CPT1C: variants seen among roughly 807,000 people sequenced by gnomAD.
CPT1C encodes carnitine palmitoyltransferase 1C.
CPT1C carries 61 observed loss-of-function variants against 97.3 expected under a neutral mutation model. The observed-to-expected ratio is 0.63, with a 90% confidence interval of 0.51 to 0.78. The LOEUF (loss-of-function observed/expected upper bound fraction) is 0.78. CPT1C is among the 30% of genes least tolerant of loss of function. CPT1C has a pLI of 0.00. For synonymous variants in CPT1C, 469 were observed against 447.2 expected (o/e 1.05, Z -0.61); for missense variants, 975 against 1,065.5 (o/e 0.92, Z 1.18).
At chr19:49,702,143 A>T (rs201716958) in intron 7 of CPT1C, among the ~76,000 whole-genome samples, 2,812 of 95,312 alleles carry the variant, frequency 0.03, 506 homozygotes, top group East Asian at 0.12. Flanking sequence ...AAATAAATAT[A>T]TATTTATTTA....
Position 49,713,564 on chromosome 19 carries a change from A to T in CPT1C, c.2371A>T (p.Thr791Ser). 1.2e-6 allele frequency: 2 copies of T among 1,613,876 alleles called. No homozygotes were observed. The highest frequency in any genetic ancestry group is 1.7e-6 in the Non-Finnish European group (2 of 1,179,890). ...RHRCGFLSRQ[T>S]GASKASMTST... ...CAGGTGTGGATTTCTCTCCCGCCAG[A>T]CTGGGGCCTCCAAGGCCTCAATGAC... The change falls in exon 20 of 20, where the codon ACT becomes TCT. Residue 791 changes from threonine (T) to serine (S), a missense_variant. Coordinates refer to ENST00000598293, the MANE Select transcript of CPT1C (RefSeq NM_001199753.2).
chr19:49,692,506 C>G (rs1228835664), intron 3 of CPT1C, 113 bp downstream of exon 3: 45 of 1,351,466 alleles, frequency 3.3e-5, no homozygotes, highest in Non-Finnish European at 4.3e-5. Flanking sequence ...ACTATCACCC[C>G]TTTTTCTTAG....
chr19:49,693,231 C>T (rs767967977), intron 3 of CPT1C, among the ~76,000 whole-genome samples: 2 of 152,176 alleles, frequency 1.3e-5, no homozygotes, highest in Non-Finnish European at 2.9e-5. Flanking sequence ...GTGTAACCAG[C>T]ACCCATGTCT....
Position 49,701,516 on chromosome 19 carries a change from C to T in CPT1C, c.575C>T (p.Pro192Leu). 1.9e-6 allele frequency: 3 copies of T among 1,611,234 alleles called. No homozygotes were observed. Among genetic ancestry groups the T allele is most frequent in the Non-Finnish European group, 2.5e-6 (3 of 1,178,218 alleles). Residue 192 changes from proline to leucine, a missense_variant, in exon 7 of 20, where the codon CCC becomes CTC. Pro to Leu is a moderately conservative substitution (Grantham distance 98, BLOSUM62 -3). Transcript: ENST00000598293. ...CTTTAGTACCTGGAGTCGGTCCGGC[C>T]CATCCTCTCCGACGAGGACTTCGAC... ...TVRKYLESVR[P>L]ILSDEDFDWT...
At chr19:49,713,115 A>G in intron 19 of CPT1C, 51 bp downstream of exon 19, 1 of 1,488,750 alleles carries the variant, frequency 6.7e-7, no homozygotes, top group Non-Finnish European at 9.4e-7. Context: ...AGGAACCAGG[A>G]GTCTGGGCCC....
chr19:49,701,949 T>TATAAATATATTTATATATAAATTTATAA (rs1462014725), intron 7 of CPT1C, among the ~76,000 whole-genome samples: 4 of 82,918 alleles, frequency 4.8e-5, no homozygotes, highest in Non-Finnish European at 8.2e-5. Flanking sequence ...TAAATTTATA[T>TATAAATATATTTATATATAAATTTATAA]ATAAATATAT....
intron 16 of CPT1C, 40 bp downstream of exon 16, chr19:49,710,897 G>A: frequency 1.9e-6 from 3 of 1,578,140 alleles, no homozygotes; most frequent in Non-Finnish European, 2.6e-6. Context: ...TTATTTCTGT[G>A]TACTCACTCA....
chr19:49,695,482 A>G (rs1600019828), intron 3 of CPT1C, among the ~76,000 whole-genome samples: 3 of 150,806 alleles, frequency 2.0e-5, no homozygotes, highest in African/African-American at 7.3e-5. Context: ...ACAGGGTTTC[A>G]CCATGTTGGC....
rs1456453789 is a variant in CPT1C, at chr19:49,692,343, A to G, written c.91A>G (p.Ile31Val). 1 of 1,613,894 alleles carries G rather than the reference A, an allele frequency of 6.2e-7. No individual in the cohort carries two copies. The highest frequency in any genetic ancestry group is 8.5e-7 in the Non-Finnish European group (1 of 1,179,958). ...ACTCAGTGCCCCTGTGCTGCAGGAG[A>G]TCTACCTCTCTGGCCTGCGCTCCTG... ...VELSAPVLQE[I>V]YLSGLRSWKR... The change falls in exon 3 of 20, where the codon ATC (isoleucine) becomes GTC (valine). Residue 31 changes from isoleucine to valine, a missense_variant. Physicochemically the swap from Ile to Val is conservative, Grantham distance 29 (BLOSUM62 3). Around this residue, in one of 3 missense-constraint regions of CPT1C, gnomAD observed 596 missense variants for 603.1 expected, o/e 0.99. Transcript: ENST00000598293.
intron 19 of CPT1C, 61 bp downstream of exon 19, chr19:49,713,125 C>T: frequency 1.4e-6 from 2 of 1,399,548 alleles, no homozygotes; most frequent in Admixed American, 1.7e-5. Context: ...AGTCTGGGCC[C>T]CCAGCCCCTC....
In CPT1C at chr19:49,711,962, G is replaced by A. The variant is rs1186386364; in HGVS notation, c.2019+1G>A. ...CCTGCAGTCGCCCTTCCTGACCCAG[G>A]TTGGGGCACAGGGAAAGGGTTAGAG... On this transcript the variant is annotated splice_donor_variant, in intron 17 of 19. Coordinates refer to ENST00000598293, the MANE Select transcript of CPT1C (RefSeq NM_001199753.2). LOFTEE classifies it high-confidence loss of function. 2 of 1,613,584 alleles carry A rather than the reference G, an allele frequency of 1.2e-6. No homozygotes were observed. The highest frequency in any genetic ancestry group is 2.7e-5 in the African/African-American group (2 of 74,940).
chr19:49,713,708 G>A lies in CPT1C; in HGVS notation c.*103G>A, dbSNP rs1933874930. ...ACTGGTTTGGCAACCCCACATCCAG[G>A]CCAATAAAGATGTGTGAGCTGGGTG... is the stretch of plus-strand genomic sequence containing the variant. On this transcript the variant is annotated 3_prime_UTR_variant, in exon 20 of 20. Coordinates refer to ENST00000598293, the MANE Select transcript of CPT1C (RefSeq NM_001199753.2). 5 of 1,098,380 alleles carry A rather than the reference G, an allele frequency of 4.6e-6. No homozygotes were observed. Among genetic ancestry groups the A allele is most frequent in the Non-Finnish European group, 6.6e-6 (5 of 757,494 alleles). The allele number at this position is 1,098,380 out of a possible 1,614,324, so 68.0% of individuals were successfully genotyped here.
chr19:49,705,391 A>G, intron 10 of CPT1C, 93 bp downstream of exon 10: 1 of 1,077,208 alleles, frequency 9.3e-7, no homozygotes, highest in Non-Finnish European at 1.4e-6. Context: ...GCTGGGAACC[A>G]TTGCTTCCTT....
intron 4 of CPT1C, among the ~76,000 whole-genome samples, chr19:49,699,419 T>C (rs1441825955): frequency 8.8e-6 from 1 of 113,764 alleles, no homozygotes; most frequent in Non-Finnish European, 1.7e-5. Context: ...AGCTCAGGAG[T>C]TGGAGACCAG....
intron 14 of CPT1C, among the ~76,000 whole-genome samples, chr19:49,709,355 A>G (rs1224486296): frequency 6.8e-6 from 1 of 147,826 alleles, no homozygotes; most frequent in Non-Finnish European, 1.5e-5. Context: ...ACCCCACACC[A>G]ACCCCATCCC....
rs1205020664 is a variant in CPT1C at position 49,709,853 on chromosome 19, G to A, written c.1567-467G>A. Among the ~76,000 whole-genome samples, 6 of 141,614 alleles carry A rather than the reference G, an allele frequency of 4.2e-5. No homozygotes were observed. In the East Asian group the frequency reaches 1.0e-3, roughly 24 times the overall value. The allele number at this position is 141,614 out of a possible 152,430, so 92.9% of individuals were successfully genotyped here. On this transcript the variant is annotated intron_variant, in intron 14 of 19. Coordinates refer to ENST00000598293, the MANE Select transcript of CPT1C (RefSeq NM_001199753.2). ...TTACAGGCGTGAGCCACCGCGCCCG[G>A]CATTTTTTTTTTGAGACGGAGTCTT...
intron 1 of CPT1C, chr19:49,691,554 G>A (rs918086309): frequency 1.3e-5 from 2 of 152,190 alleles, no homozygotes; most frequent in African/African-American, 4.8e-5. Flanking sequence ...TGAATTTATA[G>A]ACACCATCCC....
In CPT1C at chr19:49,712,809, A is replaced by AT; in HGVS notation, c.2095dup (p.Tyr699LeufsTer15). On this transcript the variant is annotated frameshift_variant, in exon 18 of 20. Coordinates refer to ENST00000598293, the MANE Select transcript of CPT1C (RefSeq NM_001199753.2). LOFTEE classifies it high-confidence loss of function. ...CAAATGCATCTGTTTGACGTCCACA[A>AT]TTACCCGGACTATGTTTCCTCAGGC... is the stretch of plus-strand genomic sequence containing the variant. The AT allele has an allele frequency of 6.2e-7, 1 of 1,613,912 alleles. No individual in the cohort carries two copies. The highest frequency in any genetic ancestry group is 1.1e-5 in the South Asian group (1 of 91,076).
In CPT1C at chr19:49,713,491, G is replaced by C. The variant is rs746999197; in HGVS notation, c.2298G>C (p.Gln766His). The C allele has an allele frequency of 1.9e-6, 3 of 1,614,240 alleles. No individual in the cohort carries two copies. The highest frequency in any genetic ancestry group is 3.3e-5 in the Admixed American group (2 of 60,016). The change falls in exon 20 of 20, where the codon CAG becomes CAC. Residue 766 changes from glutamine (Q) to histidine (H), a missense_variant. Gln to His is a conservative substitution (Grantham distance 24). Coordinates refer to ENST00000598293, the MANE Select transcript of CPT1C (RefSeq NM_001199753.2). ...LDVASLFQAGQHFKRRFRGSG... is the reference protein window; with the variant it reads ...LDVASLFQAGHHFKRRFRGSG... ...TGGCCTCCCTGTTCCAGGCGGGACA[G>C]CATTTTAAGCGCCGGTTCAGAGGGT... is the stretch of plus-strand genomic sequence containing the variant.
Sources: allele counts gnomAD v4.1 joint callset (sites outside exome capture counted in the v4.1 genomes callset), GRCh38; gene constraint gnomAD v4.1.1; regional missense constraint gnomAD v4.1.1; transcripts MANE v1.5; gene names NCBI Gene and HGNC (gene_info 2026-07-23, HGNC 2026-07-21).